The following DNAH6 variants were observed in gnomAD, a reference collection of about 807,000 sequenced individuals.
The protein encoded by DNAH6 is dynein axonemal heavy chain 6, also known as axonemal beta dynein heavy chain 6.
In DNAH6, 340 loss-of-function variants were observed where a neutral mutation model predicts 491.4. The ratio of observed to expected loss-of-function variants is 0.69; its 90% CI spans 0.63 to 0.76. The LOEUF is 0.76. DNAH6 is among the 30% of genes least tolerant of loss of function. The pLI, the probability that DNAH6 is intolerant of heterozygous loss-of-function variation, is 0.00. For missense variants in DNAH6, 4,443 were observed against 4,972.2 expected (o/e 0.89, Z 3.20); for synonymous variants, 1,603 against 1,686.1 (o/e 0.95, Z 1.21).
At chr2:84,620,710 G>A (rs887050491) in intron 24 of DNAH6, among the ~76,000 whole-genome samples, 3 of 152,144 alleles carry the variant, frequency 2.0e-5, no homozygotes, top group African/African-American at 7.2e-5. Context: ...AGAGAAGGGG[G>A]AAGACCAAGG....
intron 12 of DNAH6, among the ~76,000 whole-genome samples, chr2:84,574,912 C>T (rs1296329578): frequency 6.6e-6 from 1 of 152,156 alleles, no homozygotes; most frequent in Non-Finnish European, 1.5e-5. Flanking sequence ...TCAGCAAGTT[C>T]CCATCAGCAT....
chr2:84,716,282 G>A (rs1275620585), intron 58 of DNAH6, among the ~76,000 whole-genome samples: 1 of 150,794 alleles, frequency 6.6e-6, no homozygotes, highest in African/African-American at 2.4e-5. Context: ...AGGTTCATGA[G>A]ACAAACTTTA....
At position 84,654,031 on chromosome 2, in the gene DNAH6, C is replaced by T. The variant is rs922039720; in HGVS notation, c.5634+157C>T. Reference sequence around the variant, plus strand: ...AAGTCATCCTTTTGTAATAGATTGACAGTCAAAGTCTCAAATGTTCTTGTC... The same window carrying T: ...AAGTCATCCTTTTGTAATAGATTGATAGTCAAAGTCTCAAATGTTCTTGTC... On this transcript the variant is annotated intron_variant, in intron 34 of 76. Transcript: ENST00000389394. Among the ~76,000 whole-genome samples, 12 of 151,958 alleles carry T rather than the reference C, an allele frequency of 7.9e-5. No homozygotes were observed. The South Asian group carries it at 2.1e-3, about 26-fold the overall frequency.
At chr2:84,462,629 T>G in the DNAH6 span, among the ~76,000 whole-genome samples, 1 of 152,354 alleles carries the variant, frequency 6.6e-6, no homozygotes, top group Non-Finnish European at 1.5e-5. Flanking sequence ...GGGTGAGGGC[T>G]TCTTACCAAA....
At chr2:84,723,404 GCTC>G (rs1229164986) in intron 60 of DNAH6, among the ~76,000 whole-genome samples, 1 of 152,044 alleles carries the variant, frequency 6.6e-6, no homozygotes, top group Admixed American at 6.5e-5. Context: ...AGAGAAGAAA[GCTC>G]CTTTGCAAGT....
At chr2:84,658,250 A>C (rs1201206890) in intron 35 of DNAH6, 42 bp from the exon 36 acceptor site, 2 of 1,324,778 alleles carry the variant, frequency 1.5e-6, no homozygotes, top group Admixed American at 5.8e-5. Flanking sequence ...TTAATTATAT[A>C]TTTATCAGGT....
chr2:84,614,547 C>T (rs113575335), intron 22 of DNAH6, among the ~76,000 whole-genome samples: 1 of 151,992 alleles, frequency 6.6e-6, no homozygotes, highest in African/African-American at 2.4e-5. Flanking sequence ...GGGTAGATAC[C>T]CAGTAATGGG....
chr2:84,671,661 G>T (rs368437221), intron 39 of DNAH6, among the ~76,000 whole-genome samples: 1 of 152,164 alleles, frequency 6.6e-6, no homozygotes, highest in African/African-American at 2.4e-5. Context: ...CCTTCCTGCT[G>T]CTTGGCTTCC....
the DNAH6 span, among the ~76,000 whole-genome samples, chr2:84,503,979 G>T: frequency 3.9e-5 from 6 of 151,956 alleles, no homozygotes; most frequent in African/African-American, 1.4e-4. Flanking sequence ...TTATCTCTTT[G>T]AATACATTTT....
chr2:84,561,241 T>A (rs1210703088), intron 11 of DNAH6, among the ~76,000 whole-genome samples: 1 of 152,022 alleles, frequency 6.6e-6, no homozygotes, highest in Non-Finnish European at 1.5e-5. Context: ...CCGCATATCT[T>A]CAACTATCTG....
chr2:84,760,668 A>C (rs1240172572), intron 63 of DNAH6, among the ~76,000 whole-genome samples: 1 of 152,228 alleles, frequency 6.6e-6, no homozygotes, highest in East Asian at 1.9e-4. Context: ...AATGTGAGTG[A>C]AGATGCAGAG....
intron 33 of DNAH6, 67 bp downstream of exon 33, chr2:84,642,121 C>A (rs1374834705): frequency 1.9e-6 from 2 of 1,042,478 alleles, no homozygotes; most frequent in Non-Finnish European, 2.8e-6. Context: ...GTCTTTTCTT[C>A]AATTATTTCT....
intron 26 of DNAH6, among the ~76,000 whole-genome samples, chr2:84,622,526 T>C (rs544360912): frequency 1.8e-4 from 27 of 152,278 alleles, no homozygotes; most frequent in Admixed American, 1.6e-3. Flanking sequence ...AGTGCTGGAT[T>C]ACAGGCGTGA....
chr2:84,688,324 T>C (rs10208982), intron 44 of DNAH6, 115 bp from the exon 45 acceptor site: 22 of 808,748 alleles, frequency 2.7e-5, no homozygotes, highest in Non-Finnish European at 3.9e-5. Flanking sequence ...TAAATTTTAT[T>C]GCAAAGACCT....
intron 64 of DNAH6, among the ~76,000 whole-genome samples, chr2:84,773,772 T>C (rs972315626): frequency 2.6e-5 from 4 of 152,122 alleles, no homozygotes; most frequent in African/African-American, 9.7e-5. Context: ...TTTTTAATAA[T>C]AGCCATTCTG....
intron 12 of DNAH6, among the ~76,000 whole-genome samples, 168 bp downstream of exon 12, chr2:84,573,755 C>CT (rs1682140367): frequency 1.3e-5 from 2 of 152,284 alleles, no homozygotes; most frequent in South Asian, 4.1e-4. Context: ...TATAGAATCA[C>CT]TTTTTTCCTT....
chr2:84,773,941 T>C (rs544539374), intron 64 of DNAH6, among the ~76,000 whole-genome samples: 1 of 152,246 alleles, frequency 6.6e-6, no homozygotes, highest in African/African-American at 2.4e-5. Flanking sequence ...TGTTTTTTGC[T>C]TGTTGAATTA....
chr2:84,675,082 C>A (rs919438402), intron 40 of DNAH6, among the ~76,000 whole-genome samples: 4 of 152,232 alleles, frequency 2.6e-5, no homozygotes, highest in African/African-American at 9.6e-5. Context: ...CAAGGCCCAT[C>A]TCCAAATAGC....
intron 12 of DNAH6, among the ~76,000 whole-genome samples, chr2:84,574,013 T>C (rs1682174881): frequency 6.6e-6 from 1 of 152,206 alleles, no homozygotes; most frequent in Non-Finnish European, 1.5e-5. Context: ...AATCAACAAC[T>C]CTTAGTCATG....
Sources: gnomAD v4.1 joint callset for allele counts (sites outside exome capture counted in the v4.1 genomes callset) on GRCh38, gnomAD v4.1.1 for gene constraint, MANE v1.5 for transcripts, NCBI Gene and HGNC (gene_info 2026-07-23, HGNC 2026-07-21) for gene names.